Variants in BCAS3 observed in about 807,000 individuals in gnomAD.
BCAS3 encodes BCAS3 microtubule associated cell migration factor.
In BCAS3, 53 loss-of-function variants were observed where a neutral mutation model predicts 116.1. The observed-to-expected ratio is 0.46, with a 90% CI of 0.37 to 0.57. The LOEUF (loss-of-function observed/expected upper bound fraction) is 0.57, where lower values mean the gene tolerates loss of function less well. BCAS3 is among the 20% of genes least tolerant of loss of function. The probability of loss-of-function intolerance (pLI) is 0.00; values close to 1 mark genes in which losing one functional copy is unlikely to be tolerated. For missense variants in BCAS3, 917 were observed against 1,165.4 expected (o/e 0.79, Z 3.10); for synonymous variants, 391 against 408.2 (o/e 0.96, Z 0.51).
chr17:61,330,605 A>G (rs539390424), intron 22 of BCAS3, among the ~76,000 whole-genome samples: 2 of 152,314 alleles, frequency 1.3e-5, no homozygotes, highest in South Asian at 2.1e-4. Flanking sequence ...TTCCCACGCT[A>G]TAGACTCCAT....
chr17:60,951,931 C>T (rs1184450792), intron 14 of BCAS3, among the ~76,000 whole-genome samples: 1 of 151,948 alleles, frequency 6.6e-6, no homozygotes, highest in African/African-American at 2.4e-5. Flanking sequence ...GCCACCACAC[C>T]TAGCTAATTT....
rs1175995193 is a variant in BCAS3, at chr17:61,224,052, G to C, written c.2425+139488G>C. On this transcript the variant is annotated intron_variant, in intron 22 of 23. Coordinates refer to ENST00000407086, the MANE Select transcript of BCAS3 (RefSeq NM_017679.5). This position sits in a 1 kb window ranked among gnomAD's most constrained non-coding sequence, Gnocchi z 5.7. ...ATTTTTTTCAACCACCTCTAATTGAGAGTAGAAAAGCATTTGCTTTCTATC... is the reference window on the plus strand; with the variant it reads ...ATTTTTTTCAACCACCTCTAATTGACAGTAGAAAAGCATTTGCTTTCTATC... 6.6e-6 allele frequency among the ~76,000 whole-genome samples: 1 copy of C among 152,172 alleles called. No homozygotes were observed. Among genetic ancestry groups the C allele is most frequent in the African/African-American group, 2.4e-5 (1 of 41,442 alleles).
At chr17:60,791,583 G>T (rs1208113809) in intron 6 of BCAS3, among the ~76,000 whole-genome samples, 1 of 152,112 alleles carries the variant, frequency 6.6e-6, no homozygotes, top group South Asian at 2.1e-4. Context: ...GAGCCTAGGA[G>T]TTAGTGGCTG....
chr17:60,809,818 G>A (rs1420911167), intron 7 of BCAS3, among the ~76,000 whole-genome samples: 6 of 152,154 alleles, frequency 3.9e-5, no homozygotes, highest in Admixed American at 3.9e-4. Context: ...TGTTGACCTG[G>A]GGTATTTGAG....
At chr17:60,740,338 T>C (rs1275457406) in intron 5 of BCAS3, among the ~76,000 whole-genome samples, 1 of 150,896 alleles carries the variant, frequency 6.6e-6, no homozygotes, top group East Asian at 1.9e-4. Context: ...TACAAAAACA[T>C]ACAAAAAAAT....
chr17:60,754,680 TACACACACACACACAC>T lies in BCAS3; in HGVS notation c.403+7447_403+7462del, dbSNP rs772900751. 1.6e-3 allele frequency among the ~76,000 whole-genome samples: 240 copies of T among 145,484 alleles called. 2 individuals are homozygous for T. Among genetic ancestry groups the T allele is most frequent in the African/African-American group, 5.8e-3 (213 of 36,940 alleles). ...AGAAATGCAGATGTAAAATTTAAAATACACACACACACACACACACACACACACACACACACACACA... is the reference window on the plus strand; with the variant it reads ...AGAAATGCAGATGTAAAATTTAAAATACACACACACACACACACACACACA... On this transcript the variant is annotated intron_variant, in intron 6 of 23. Coordinates refer to ENST00000407086, the MANE Select transcript of BCAS3 (RefSeq NM_017679.5).
At chr17:60,730,930 C>CT (rs2040395836) in intron 5 of BCAS3, among the ~76,000 whole-genome samples, 1 of 152,124 alleles carries the variant, frequency 6.6e-6, no homozygotes, top group Admixed American at 6.6e-5. Flanking sequence ...AGAGCTGGCT[C>CT]TGTAGTTACT....
intron 7 of BCAS3, among the ~76,000 whole-genome samples, chr17:60,815,047 A>G (rs913105363): frequency 1.3e-5 from 2 of 152,226 alleles, no homozygotes; most frequent in African/African-American, 4.8e-5. Flanking sequence ...ACTAACCCAA[A>G]TGTCCATCAA....
chr17:60,947,083 C>T (rs2060542702), intron 13 of BCAS3, 136 bp from the exon 14 acceptor site: 1 of 837,014 alleles, frequency 1.2e-6, no homozygotes, highest in Non-Finnish European at 1.8e-6. Flanking sequence ...TTATTTTTTT[C>T]TTTTGTAAAG....
chr17:61,074,494 AT>A (rs1223803639), intron 19 of BCAS3, among the ~76,000 whole-genome samples: 1 of 152,174 alleles, frequency 6.6e-6, no homozygotes, highest in Non-Finnish European at 1.5e-5. Context: ...AAGATGATGT[AT>A]TTCTCTGGAT....
chr17:61,053,412 G>T (rs569646503), intron 19 of BCAS3, among the ~76,000 whole-genome samples: 4 of 152,322 alleles, frequency 2.6e-5, no homozygotes, highest in Admixed American at 2.6e-4. Context: ...TTTTGTGCAT[G>T]TTGCTGTTAT....
intron 6 of BCAS3, among the ~76,000 whole-genome samples, chr17:60,784,744 G>A (rs2046140549): frequency 3.3e-5 from 5 of 151,992 alleles, no homozygotes; most frequent in Admixed American, 3.3e-4. Context: ...GTTATGAGAG[G>A]AATGTTTATT....
Position 61,004,131 on chromosome 17 carries a change from G to C in BCAS3, c.1487-11620G>C, listed in dbSNP as rs1031828119. On this transcript the variant is annotated intron_variant, in intron 15 of 23. Coordinates refer to ENST00000407086, the MANE Select transcript of BCAS3 (RefSeq NM_017679.5). This position sits in a 1 kb window ranked among gnomAD's most constrained non-coding sequence, Gnocchi z 4.8. ...GGATTTGGAGAACCTGTTTGCATTT[G>C]ATTATTGTCTTACTTCCCTAGTTAG... is the stretch of plus-strand genomic sequence containing the variant. Among the ~76,000 whole-genome samples the C allele has an allele frequency of 3.9e-5, 6 of 152,124 alleles. No homozygotes were observed. The highest frequency in any genetic ancestry group is 7.4e-5 in the Non-Finnish European group (5 of 68,012).
At chr17:61,351,147 T>G (rs994941601) in intron 22 of BCAS3, among the ~76,000 whole-genome samples, 20 of 152,242 alleles carry the variant, frequency 1.3e-4, no homozygotes, top group Non-Finnish European at 2.1e-4. Context: ...CTGGGCACTT[T>G]CTTTGTCCTT....
chr17:60,816,286 T>TC (rs1461783851), intron 7 of BCAS3, among the ~76,000 whole-genome samples: 1 of 150,512 alleles, frequency 6.6e-6, no homozygotes, highest in African/African-American at 2.5e-5. Flanking sequence ...TTTCTTTTTT[T>TC]TTTTTTTGAG....
chr17:60,928,496 T>C (rs1034470309), intron 13 of BCAS3, among the ~76,000 whole-genome samples: 3 of 152,204 alleles, frequency 2.0e-5, no homozygotes, highest in African/African-American at 7.2e-5. Flanking sequence ...TTCATGCCTG[T>C]TTAGATATCT....
At chr17:60,841,865 T>TG (rs971509816) in intron 7 of BCAS3, among the ~76,000 whole-genome samples, 1 of 152,092 alleles carries the variant, frequency 6.6e-6, no homozygotes, top group African/African-American at 2.4e-5. Flanking sequence ...CTTCCCCACA[T>TG]GGCTGCTTAC....
rs536592420 is a variant in BCAS3, at chr17:60,686,021, C to T, written c.138+1985C>T. 1.5e-3 allele frequency among the ~76,000 whole-genome samples: 229 copies of T among 151,800 alleles called. 3 individuals carry two copies. The highest frequency in any genetic ancestry group is 5.2e-3 in the African/African-American group (214 of 41,372). ...AGTAGCTGGGACTACAGGCGCCCAC[C>T]GCCACACCTGTCTAATTTTTGTATT... On this transcript the variant is annotated intron_variant, in intron 3 of 23. Transcript: ENST00000407086.
chr17:61,164,434 C>T (rs1353054927), intron 22 of BCAS3, among the ~76,000 whole-genome samples: 1 of 151,950 alleles, frequency 6.6e-6, no homozygotes, highest in Non-Finnish European at 1.5e-5. Context: ...AGCAGGAGGA[C>T]ATTTGAGGAC....
Sources: allele counts gnomAD v4.1 joint callset (sites outside exome capture counted in the v4.1 genomes callset), GRCh38; gene constraint gnomAD v4.1.1; non-coding constraint Gnocchi (gnomAD v3.1); transcripts MANE v1.5; gene names NCBI Gene and HGNC (gene_info 2026-07-23, HGNC 2026-07-21).